CLVS1: variants seen among roughly 807,000 people sequenced by gnomAD.
CLVS1 encodes clavesin-1.
CLVS1 carries 10 observed loss-of-function variants against 33.1 expected under a neutral mutation model. That is an observed-to-expected ratio of 0.30 (90% CI 0.19 to 0.51). The LOEUF is 0.51. Among genes scored for constraint, CLVS1 ranks in the 20% least tolerant of loss-of-function variants. The pLI is 0.97. For synonymous variants in CLVS1, 163 were observed against 166.1 expected (o/e 0.98, Z 0.14); for missense variants, 343 against 433.4 (o/e 0.79, Z 1.85).
intron 2 of CLVS1, among the ~76,000 whole-genome samples, chr8:61,309,278 G>A (rs562273320): frequency 3.3e-5 from 5 of 152,264 alleles, no homozygotes; most frequent in South Asian, 4.1e-4. Context: ...GGCTTGTTAC[G>A]CTTTAATGGA....
intron 1 of CLVS1, among the ~76,000 whole-genome samples, chr8:61,107,108 A>T (rs1306235683): frequency 6.6e-6 from 1 of 152,204 alleles, no homozygotes; most frequent in Non-Finnish European, 1.5e-5. Flanking sequence ...TTATGTCCTC[A>T]TTACTCTGAC....
intron 2 of CLVS1, among the ~76,000 whole-genome samples, chr8:61,140,460 C>T (rs1326390358): frequency 6.6e-6 from 1 of 152,244 alleles, no homozygotes; most frequent in Non-Finnish European, 1.5e-5. Context: ...GAGTCAAATT[C>T]CTACCTGGCA....
At chr8:61,190,680 C>A in intron 2 of CLVS1, among the ~76,000 whole-genome samples, 1 of 152,020 alleles carries the variant, frequency 6.6e-6, no homozygotes, top group Middle Eastern at 3.4e-3. Context: ...AATAAAAAAT[C>A]ATAAAGGAGA....
At chr8:61,256,746 T>C (rs1356374750) in intron 2 of CLVS1, among the ~76,000 whole-genome samples, 1 of 152,214 alleles carries the variant, frequency 6.6e-6, no homozygotes, top group Admixed American at 6.5e-5. Context: ...TGTTATTAAT[T>C]GTGGTTTTTA....
intron 2 of CLVS1, among the ~76,000 whole-genome samples, chr8:61,307,516 A>G (rs1174715877): frequency 2.0e-5 from 3 of 152,168 alleles, no homozygotes; most frequent in Non-Finnish European, 1.5e-5. Flanking sequence ...AAGGTGAGGG[A>G]TAGGGCAAAA....
chr8:61,367,699 A>T (rs558793818), intron 2 of CLVS1, among the ~76,000 whole-genome samples: 29 of 152,282 alleles, frequency 1.9e-4, no homozygotes, highest in African/African-American at 7.0e-4. Flanking sequence ...CCTCCTACAG[A>T]TGAGGGAATG....
chr8:61,288,982 G>T (rs1273284248), intron 1 of CLVS1, among the ~76,000 whole-genome samples: 5 of 152,200 alleles, frequency 3.3e-5, no homozygotes, highest in African/African-American at 1.2e-4. Flanking sequence ...TCATTCGAAT[G>T]AACTATTTGT....
At chr8:60,973,635 A>T in the CLVS1 span, among the ~76,000 whole-genome samples, 1 of 152,250 alleles carries the variant, frequency 6.6e-6, no homozygotes, top group African/African-American at 2.4e-5. Context: ...AGCATCTTGC[A>T]GGTCAAGTGT....
At chr8:61,017,963 T>A in the CLVS1 span, among the ~76,000 whole-genome samples, 1 of 152,190 alleles carries the variant, frequency 6.6e-6, no homozygotes, top group Non-Finnish European at 1.5e-5. Context: ...AAATCCCTAC[T>A]GTGTTCAATG....
At chr8:61,250,232 G>A (rs1563462293) in intron 2 of CLVS1, among the ~76,000 whole-genome samples, 1 of 152,052 alleles carries the variant, frequency 6.6e-6, no homozygotes, top group Non-Finnish European at 1.5e-5. Flanking sequence ...GGTTGTAGAT[G>A]TGTGGTGTTA....
chr8:61,267,499 G>C (rs1294921447), intron 2 of CLVS1, among the ~76,000 whole-genome samples: 1 of 152,064 alleles, frequency 6.6e-6, no homozygotes, highest in Non-Finnish European at 1.5e-5. Context: ...GTCACATTTA[G>C]CCTCTGTTTT....
chr8:61,357,997 C>G (rs1282181930), intron 2 of CLVS1, among the ~76,000 whole-genome samples: 3 of 152,052 alleles, frequency 2.0e-5, no homozygotes, highest in Admixed American at 6.6e-5. Flanking sequence ...TAGCTGTGTC[C>G]TCTCAGTCTC....
intron 2 of CLVS1, among the ~76,000 whole-genome samples, chr8:61,232,146 TACCTCA>T (rs760048411): frequency 0.015 from 2,248 of 148,816 alleles, 26 homozygotes; most frequent in Non-Finnish European, 0.024. Context: ...GCCATTCTCC[TACCTCA>T]GCCTCCCACG....
At chr8:61,189,053 C>A (rs1053489780) in intron 2 of CLVS1, among the ~76,000 whole-genome samples, 9 of 152,042 alleles carry the variant, frequency 5.9e-5, no homozygotes, top group Admixed American at 4.6e-4. Context: ...AGAAGAGCAA[C>A]TCCAAGACAC....
intron 3 of CLVS1, among the ~76,000 whole-genome samples, chr8:61,422,829 A>G (rs544272563): frequency 1.8e-4 from 27 of 152,196 alleles, no homozygotes; most frequent in Non-Finnish European, 3.5e-4. Context: ...CGAAAGAGTA[A>G]AAGCAGAGGA....
intron 1 of CLVS1, among the ~76,000 whole-genome samples, chr8:61,289,516 A>C (rs935350273): frequency 2.6e-5 from 4 of 152,222 alleles, no homozygotes; most frequent in African/African-American, 9.6e-5. Context: ...CTGAACAGTA[A>C]AGCATTGGGA....
chr8:60,976,766 C>T, the CLVS1 span, among the ~76,000 whole-genome samples: 1 of 152,254 alleles, frequency 6.6e-6, no homozygotes, highest in Non-Finnish European at 1.5e-5. Flanking sequence ...CATCCCCTAG[C>T]CCTGCATCTG....
chr8:61,236,480 C>G (rs1808562482), intron 2 of CLVS1, among the ~76,000 whole-genome samples: 1 of 152,188 alleles, frequency 6.6e-6, no homozygotes, highest in Non-Finnish European at 1.5e-5. Flanking sequence ...ATTTCTGAGA[C>G]AGTCTGTTGC....
intron 2 of CLVS1, chr8:61,202,537 G>C: frequency 9.1e-7 from 1 of 1,102,890 alleles, no homozygotes; most frequent in South Asian, 1.2e-5. Context: ...TGTTGAAGCA[G>C]AGGCAATGAA....
Sources: gnomAD v4.1 joint callset for allele counts (sites outside exome capture counted in the v4.1 genomes callset) on GRCh38, gnomAD v4.1.1 for gene constraint, MANE v1.5 for transcripts, NCBI Gene and HGNC (gene_info 2026-07-23, HGNC 2026-07-21) for gene names.